The following ANKS1B variants were observed in gnomAD, a reference collection of about 807,000 sequenced individuals.
ANKS1B encodes the protein ankyrin repeat and sterile alpha motif domain containing 1B, also known as ankyrin repeat and sterile alpha motif domain-containing protein 1B.
Under a neutral mutation model 148.3 loss-of-function variants are expected in ANKS1B, and 36 were observed. That is an observed-to-expected ratio of 0.24 (90% confidence interval 0.19 to 0.32). The LOEUF is 0.32. Ranked by LOEUF, ANKS1B falls within the 10% of genes least tolerant of loss-of-function variation. The pLI is 1.00. For synonymous variants in ANKS1B, 542 were observed against 560.8 expected (o/e 0.97, Z 0.47); for missense variants, 1,157 against 1,542.6 (o/e 0.75, Z 4.19).
chr12:99,514,416 C>T (rs554525387), intron 9 of ANKS1B, among the ~76,000 whole-genome samples: 1 of 152,112 alleles, frequency 6.6e-6, no homozygotes, highest in South Asian at 2.1e-4. Context: ...CCAAAACTAC[C>T]ACAAATTCCC....
At chr12:99,746,118 G>C (rs1281383131) in intron 8 of ANKS1B, among the ~76,000 whole-genome samples, 1 of 152,142 alleles carries the variant, frequency 6.6e-6, no homozygotes, top group African/African-American at 2.4e-5. Context: ...GTTTAAACCA[G>C]GGCCGTGTAA....
intron 17 of ANKS1B, among the ~76,000 whole-genome samples, chr12:98,873,951 G>C (rs552440598): frequency 2.0e-5 from 3 of 152,178 alleles, no homozygotes; most frequent in Non-Finnish European, 4.4e-5. Flanking sequence ...CCCTGGAATG[G>C]AGCAGAGGCC....
At chr12:98,739,380 A>C (rs2097787519), downstream of ANKS1B, among the ~76,000 whole-genome samples, 1 of 152,312 alleles carries the variant, frequency 6.6e-6, no homozygotes, top group East Asian at 1.9e-4. Context: ...TCTTTGAAAA[A>C]AGCAGCAGGA....
At chr12:99,796,161 A>C (rs1243051921) in intron 4 of ANKS1B, among the ~76,000 whole-genome samples, 1 of 151,992 alleles carries the variant, frequency 6.6e-6, no homozygotes, top group Non-Finnish European at 1.5e-5. Context: ...TCTGATAATC[A>C]AGAGGGCTAC....
Position 98,787,217 on chromosome 12 carries a change from A to G in ANKS1B, c.3343-5080T>C, listed in dbSNP as rs181436115. Among the ~76,000 whole-genome samples, 128 of 152,358 alleles carry G rather than the reference A, an allele frequency of 8.4e-4. No homozygotes were observed. The East Asian group carries it at 0.02, about 23-fold the overall frequency. On this transcript the variant is annotated intron_variant, in intron 22 of 26. Transcript: ENST00000683438. Reference sequence around the variant, plus strand: ...GGTTGTGGGATTACAAGAGATAAAAAGCAGAACACCAATCAGCAATTTGAA... The same window carrying G: ...GGTTGTGGGATTACAAGAGATAAAAGGCAGAACACCAATCAGCAATTTGAA...
intron 8 of ANKS1B, among the ~76,000 whole-genome samples, chr12:99,693,898 A>G (rs979331997): frequency 2.7e-5 from 4 of 149,380 alleles, no homozygotes; most frequent in African/African-American, 9.9e-5. Flanking sequence ...CTCCTGCCTC[A>G]GCCTCCCGAG....
At chr12:99,375,962 G>C (rs1456503746) in intron 12 of ANKS1B, among the ~76,000 whole-genome samples, 1 of 152,222 alleles carries the variant, frequency 6.6e-6, no homozygotes, top group Non-Finnish European at 1.5e-5. Context: ...GTGGAATATT[G>C]TCACATGGAA....
chr12:99,454,381 T>TTAGCA (rs1304584692), intron 10 of ANKS1B, among the ~76,000 whole-genome samples: 2 of 152,194 alleles, frequency 1.3e-5, no homozygotes, highest in Non-Finnish European at 2.9e-5. Context: ...AGAGGCCACA[T>TTAGCA]CTGTGTGCTA....
intron 11 of ANKS1B, among the ~76,000 whole-genome samples, chr12:99,419,964 C>A (rs2095034186): frequency 1.3e-5 from 2 of 152,276 alleles, no homozygotes; most frequent in South Asian, 4.1e-4. Context: ...GCCAGCACAC[C>A]CAGCCTGCTT....
At chr12:99,044,380 G>A (rs1037216549) in intron 17 of ANKS1B, among the ~76,000 whole-genome samples, 3 of 152,186 alleles carry the variant, frequency 2.0e-5, no homozygotes, top group African/African-American at 7.2e-5. Flanking sequence ...AGCTGAGAGA[G>A]TCTTTCCCTC....
chr12:98,757,960 ACACGG>A (rs1233139636), intron 25 of ANKS1B, among the ~76,000 whole-genome samples: 1 of 104,048 alleles, frequency 9.6e-6, no homozygotes, highest in East Asian at 2.5e-4. Flanking sequence ...GTGTGTGTGC[ACACGG>A]GGTGCAGGTG....
chr12:98,884,878 T>C (rs543111467), intron 17 of ANKS1B, among the ~76,000 whole-genome samples: 32 of 152,102 alleles, frequency 2.1e-4, no homozygotes, highest in African/African-American at 6.5e-4. Flanking sequence ...TCCTGATCTT[T>C]CCCCTGAGTT....
chr12:99,030,177 A>G (rs973904367), intron 17 of ANKS1B, among the ~76,000 whole-genome samples: 2 of 152,162 alleles, frequency 1.3e-5, no homozygotes, highest in Non-Finnish European at 2.9e-5. Flanking sequence ...CCACCACATC[A>G]ACTGCATGGC....
intron 12 of ANKS1B, among the ~76,000 whole-genome samples, chr12:99,283,057 C>G (rs1046269534): frequency 1.3e-5 from 2 of 152,166 alleles, no homozygotes. Context: ...AAGGAAGCAG[C>G]TGGGGATGTC....
At chr12:99,113,264 C>T (rs1435054163) in intron 15 of ANKS1B, among the ~76,000 whole-genome samples, 1 of 152,082 alleles carries the variant, frequency 6.6e-6, no homozygotes, top group Non-Finnish European at 1.5e-5. Flanking sequence ...CAGTATCTGA[C>T]CTGAACGAAT....
At chr12:99,951,692 T>C (rs924711678) in intron 1 of ANKS1B, among the ~76,000 whole-genome samples, 7 of 148,776 alleles carry the variant, frequency 4.7e-5, no homozygotes, top group Admixed American at 4.0e-4. Flanking sequence ...CTTGGCAACA[T>C]AGCAAGACCT....
intron 17 of ANKS1B, among the ~76,000 whole-genome samples, chr12:99,008,273 CT>C (rs2099937333): frequency 6.6e-6 from 1 of 152,076 alleles, no homozygotes; most frequent in African/African-American, 2.4e-5. Flanking sequence ...ATGTTTCTCT[CT>C]CCTTCTATTC....
At chr12:99,852,655 C>G (rs1417353097) in intron 1 of ANKS1B, among the ~76,000 whole-genome samples, 1 of 152,214 alleles carries the variant, frequency 6.6e-6, no homozygotes. Context: ...GAGACTCACA[C>G]TGTGAACTTT....
intron 12 of ANKS1B, among the ~76,000 whole-genome samples, chr12:99,324,979 A>T (rs144591572): frequency 6.6e-6 from 1 of 152,234 alleles, no homozygotes; most frequent in East Asian, 1.9e-4. Flanking sequence ...TGTTCCATTC[A>T]TTGGTAAATA....
Sources: allele counts gnomAD v4.1 joint callset (sites outside exome capture counted in the v4.1 genomes callset), GRCh38; gene constraint gnomAD v4.1.1; transcripts MANE v1.5; gene names NCBI Gene and HGNC (gene_info 2026-07-23, HGNC 2026-07-21).